DTNA: variants seen among roughly 807,000 people sequenced by gnomAD.
DTNA encodes dystrobrevin alpha, also known as dystrophin-related protein 3.
DTNA carries 43 observed loss-of-function variants against 100.7 expected under a neutral mutation model. The observed-to-expected ratio is 0.43, with a 90% CI of 0.33 to 0.55. The LOEUF is 0.55. DTNA is among the 20% of genes least tolerant of loss of function. The probability of loss-of-function intolerance (pLI) is 0.04; values close to 1 mark genes in which losing one functional copy is unlikely to be tolerated. For missense variants in DTNA, 798 were observed against 953.9 expected, an observed-to-expected ratio of 0.84 and a Z score of 2.15; for synonymous variants, 349 against 347.9, an observed-to-expected ratio of 1.00 and a Z score of -0.04.
chr18:34,727,335 A>G (rs1344576920), intron 1 of DTNA, among the ~76,000 whole-genome samples: 1 of 152,088 alleles, frequency 6.6e-6, no homozygotes, highest in South Asian at 2.1e-4. Flanking sequence ...ACTTATGACC[A>G]TTGACTAGTA....
At chr18:34,614,766 G>A (rs1223276672) in intron 1 of DTNA, among the ~76,000 whole-genome samples, 1 of 152,230 alleles carries the variant, frequency 6.6e-6, no homozygotes, top group Non-Finnish European at 1.5e-5. Context: ...GTGGTTTCAT[G>A]AGATAGAACC....
intron 15 of DTNA, among the ~76,000 whole-genome samples, chr18:34,855,509 T>C (rs1007758490): frequency 1.4e-4 from 22 of 152,232 alleles, no homozygotes; most frequent in Admixed American, 9.8e-4. Flanking sequence ...TTCTGAACTT[T>C]CCATTAGGGA....
intron 1 of DTNA, among the ~76,000 whole-genome samples, chr18:34,723,991 G>A (rs1174413659): frequency 1.3e-5 from 2 of 152,102 alleles, no homozygotes; most frequent in Admixed American, 1.3e-4. Flanking sequence ...ATCAAACTGT[G>A]ACACCTATCA....
chr18:34,840,549 A>G (rs973681526), intron 13 of DTNA, among the ~76,000 whole-genome samples: 2 of 152,178 alleles, frequency 1.3e-5, no homozygotes, highest in African/African-American at 4.8e-5. Context: ...GGTTGTTAAC[A>G]AAGAAATCTC....
intron 1 of DTNA, among the ~76,000 whole-genome samples, chr18:34,654,422 AC>A (rs1275644463): frequency 2.0e-5 from 3 of 152,176 alleles, no homozygotes; most frequent in Non-Finnish European, 4.4e-5. Flanking sequence ...CTCTATTATT[AC>A]CTTTATATTA....
intron 1 of DTNA, among the ~76,000 whole-genome samples, chr18:34,675,135 T>C (rs527655949): frequency 7.2e-5 from 11 of 152,248 alleles, no homozygotes; most frequent in African/African-American, 2.6e-4. Context: ...ATCAACATTT[T>C]GGACTATTCA....
intron 16 of DTNA, among the ~76,000 whole-genome samples, 191 bp downstream of exon 16, chr18:34,858,589 T>C (rs1000298082): frequency 3.3e-5 from 5 of 152,202 alleles, no homozygotes; most frequent in African/African-American, 1.2e-4. Context: ...GTTCTTTCAT[T>C]TGGTACAGGG....
chr18:34,706,454 A>G (rs1479302827), upstream of DTNA, among the ~76,000 whole-genome samples: 1 of 152,182 alleles, frequency 6.6e-6, no homozygotes, highest in Non-Finnish European at 1.5e-5. Context: ...CGTATTTTTC[A>G]CTAAGAATAC....
At chr18:34,577,068 C>T (rs1203118007) in intron 1 of DTNA, among the ~76,000 whole-genome samples, 2 of 152,076 alleles carry the variant, frequency 1.3e-5, no homozygotes, top group African/African-American at 2.4e-5. Context: ...AATAAAGGGC[C>T]TCAAAAGGGT....
At chr18:34,662,526 A>C (rs1412348207) in intron 1 of DTNA, among the ~76,000 whole-genome samples, 1 of 152,206 alleles carries the variant, frequency 6.6e-6, no homozygotes, top group Non-Finnish European at 1.5e-5. Flanking sequence ...TTGACATGTG[A>C]GGGACAAAAA....
intron 1 of DTNA, among the ~76,000 whole-genome samples, chr18:34,526,822 T>A (rs948505379): frequency 1.3e-4 from 20 of 152,162 alleles, no homozygotes; most frequent in Non-Finnish European, 2.6e-4. Flanking sequence ...GCCATTTTTA[T>A]GGAGGCTATT....
intron 1 of DTNA, among the ~76,000 whole-genome samples, chr18:34,701,839 C>T (rs959349031): frequency 3.9e-5 from 6 of 152,156 alleles, no homozygotes; most frequent in Non-Finnish European, 5.9e-5. Context: ...TCAAATGTGT[C>T]GCTTGTCATT....
At chr18:34,717,722 A>G (rs2084339553) in intron 1 of DTNA, among the ~76,000 whole-genome samples, 1 of 152,118 alleles carries the variant, frequency 6.6e-6, no homozygotes, top group Non-Finnish European at 1.5e-5. Context: ...GAGGGGAGAG[A>G]AAATGCTGTG....
At chr18:34,668,564 G>C (rs1177233184) in intron 1 of DTNA, among the ~76,000 whole-genome samples, 2 of 151,964 alleles carry the variant, frequency 1.3e-5, no homozygotes, top group African/African-American at 4.8e-5. Context: ...TGGGCATTTA[G>C]TGCTATAAAT....
At chr18:34,647,922 T>C (rs1043626490) in intron 1 of DTNA, among the ~76,000 whole-genome samples, 1 of 152,126 alleles carries the variant, frequency 6.6e-6, no homozygotes, top group Non-Finnish European at 1.5e-5. Flanking sequence ...AATGAAAATA[T>C]ATGAGGGGGA....
chr18:34,522,290 T>G (rs2042219150), intron 1 of DTNA, among the ~76,000 whole-genome samples: 1 of 152,130 alleles, frequency 6.6e-6, no homozygotes. Context: ...GCTTTCAGAT[T>G]TAGGTTGAAA....
chr18:34,695,468 A>G (rs1237865125), intron 1 of DTNA, among the ~76,000 whole-genome samples: 1 of 152,178 alleles, frequency 6.6e-6, no homozygotes, highest in African/African-American at 2.4e-5. Flanking sequence ...CACAGCCTTA[A>G]TAAGCTGTGG....
intron 1 of DTNA, among the ~76,000 whole-genome samples, chr18:34,716,913 A>G (rs1049326994): frequency 1.3e-5 from 2 of 152,178 alleles, no homozygotes; most frequent in African/African-American, 4.8e-5. Flanking sequence ...TTCAATACCA[A>G]ATGGTAAAAT....
At chr18:34,732,683 T>C (rs2088583951) in intron 1 of DTNA, among the ~76,000 whole-genome samples, 1 of 152,154 alleles carries the variant, frequency 6.6e-6, no homozygotes, top group Non-Finnish European at 1.5e-5. Context: ...GCAAAGAAAA[T>C]TAAATCACAC....
Sources: allele counts gnomAD v4.1 joint callset (sites outside exome capture counted in the v4.1 genomes callset), GRCh38; gene constraint gnomAD v4.1.1; transcripts MANE v1.5; gene names NCBI Gene and HGNC (gene_info 2026-07-23, HGNC 2026-07-21).